STAG3: variants seen among roughly 807,000 people sequenced by gnomAD.
STAG3 encodes cohesin subunit SA-3.
STAG3 carries 101 observed loss-of-function variants against 160.7 expected under a neutral mutation model. That is an observed-to-expected ratio of 0.63 (90% CI 0.54 to 0.74). STAG3 has a LOEUF of 0.74. STAG3 is among the 30% of genes least tolerant of loss of function. The pLI, the probability that STAG3 is intolerant of heterozygous loss-of-function variation, is 0.00. For missense variants in STAG3, 1,188 were observed against 1,517.4 expected, an observed-to-expected ratio of 0.78 and a Z score of 3.61; for synonymous variants, 519 against 585.0, an observed-to-expected ratio of 0.89 and a Z score of 1.63.
downstream of STAG3, among the ~76,000 whole-genome samples, chr7:100,216,602 C>A (rs1326281045): frequency 6.6e-6 from 1 of 152,098 alleles, no homozygotes; most frequent in South Asian, 2.1e-4. Context: ...AGATTGAGAC[C>A]ATCCTGGCCA....
At chr7:100,213,519 CAA>C (rs1327787496) in intron 32 of STAG3, 2 of 985,238 alleles carry the variant, frequency 2.0e-6, no homozygotes, top group African/African-American at 1.7e-5. Flanking sequence ...GTTTCCAAAA[CAA>C]AGTCATTTAA....
intron 27 of STAG3, 23 bp downstream of exon 27, chr7:100,204,798 T>C (rs1299451086): frequency 6.2e-7 from 1 of 1,612,060 alleles, no homozygotes; most frequent in African/African-American, 1.3e-5. Flanking sequence ...GGTTGCAGGT[T>C]GTGTCCAGGG....
chr7:100,185,385 A>G (rs1799926504), intron 4 of STAG3, among the ~76,000 whole-genome samples: 1 of 152,166 alleles, frequency 6.6e-6, no homozygotes, highest in Non-Finnish European at 1.5e-5. Flanking sequence ...ACTTGAGGTC[A>G]GGAGTTCGAG....
At position 100,214,035 on chromosome 7, in the gene STAG3, C is replaced by G. The variant is rs931505933; in HGVS notation, c.*20C>G. ...TTCTGACAGGACTCTGGGCCCCTCC[C>G]CAGCTCCACTCCCTACCTCAAGAAT... On this transcript the variant is annotated 3_prime_UTR_variant, in exon 34 of 34. Transcript: ENST00000615138. 9.9e-6 allele frequency: 16 copies of G among 1,613,782 alleles called. No individual in the cohort carries two copies. The Admixed American group carries it at 1.2e-4, about 12-fold the overall frequency.
downstream of STAG3, among the ~76,000 whole-genome samples, chr7:100,216,295 G>GT (rs1181660905): frequency 1.3e-5 from 2 of 151,844 alleles, no homozygotes; most frequent in African/African-American, 4.8e-5. Context: ...ATTTGTATCA[G>GT]TTTTTTAAAA....
chr7:100,211,136 T>A lies in STAG3; in HGVS notation c.3364T>A (p.Leu1122Met). Residue 1122 changes from leucine (L) to methionine (M), a missense_variant, in exon 30 of 34, where the codon TTG (leucine) becomes ATG (methionine). By Grantham distance (15) the Leu-to-Met change is conservative. Coordinates refer to ENST00000615138, the MANE Select transcript of STAG3 (RefSeq NM_001282717.2). Reference sequence around the variant, plus strand: ...GAAGAGCAGGCAGCCCCTGTGGGGGTTGAAAGAGATGGAGGAAGAAGATGG... The same window carrying A: ...GAAGAGCAGGCAGCCCCTGTGGGGGATGAAAGAGATGGAGGAAGAAGATGG... ...AVKSRQPLWGLKEMEEEDGSE... is the reference protein window; with the variant it reads ...AVKSRQPLWGMKEMEEEDGSE... 1 of 1,356,414 alleles carries A rather than the reference T, an allele frequency of 7.4e-7. No individual in the cohort carries two copies. Among genetic ancestry groups the A allele is most frequent in the South Asian group, 1.2e-5 (1 of 86,636 alleles). The allele number at this position is 1,356,414 out of a possible 1,614,324, so 84.0% of individuals were successfully genotyped here. A position where few individuals can be genotyped will look rare whatever the true frequency, so the allele number is the denominator to read the frequency against.
In STAG3 at chr7:100,201,297, G is replaced by A; in HGVS notation, c.2166G>A (p.Glu722=). 1 of 1,614,122 alleles carries A rather than the reference G, an allele frequency of 6.2e-7. No homozygotes were observed. Among genetic ancestry groups the A allele is most frequent in the South Asian group, 1.1e-5 (1 of 91,070 alleles). Reference sequence around the variant, plus strand: ...ACCTGACTCGCTGGGAGCTCTATGAGCCATGTTGCCAACTCCTGCAGAAGG... The same window carrying A: ...ACCTGACTCGCTGGGAGCTCTATGAACCATGTTGCCAACTCCTGCAGAAGG... ...THDLTRWELY[E]PCCQLLQKAV... The change falls in exon 21 of 34, where the codon GAG becomes GAA. Residue 722 remains glutamate (E), a synonymous_variant. Coordinates refer to ENST00000615138, the MANE Select transcript of STAG3 (RefSeq NM_001282717.2).
intron 11 of STAG3, 80 bp downstream of exon 11, chr7:100,197,956 C>T (rs1457112604): frequency 6.6e-7 from 1 of 1,504,504 alleles, no homozygotes; most frequent in Admixed American, 1.7e-5. Flanking sequence ...ACCCCTCATG[C>T]TCTAAGATGT....
At chr7:100,195,494 T>G in intron 9 of STAG3, 112 bp downstream of exon 9, 1 of 986,788 alleles carries the variant, frequency 1.0e-6, no homozygotes, top group Non-Finnish European at 1.5e-6. Flanking sequence ...AGTCCCAGAA[T>G]TAATGCAGCT....
chr7:100,217,873 G>A (rs1248398904), downstream of STAG3, among the ~76,000 whole-genome samples: 3 of 151,930 alleles, frequency 2.0e-5, no homozygotes, highest in East Asian at 5.8e-4. Context: ...AGCGGAACAT[G>A]AAAGTGAAAC....
intron 21 of STAG3, 53 bp from the exon 22 acceptor site, chr7:100,201,733 G>C: frequency 6.7e-7 from 1 of 1,499,714 alleles, no homozygotes. Flanking sequence ...CTGGCTATCT[G>C]TCTCTCCCTC....
chr7:100,216,595 T>C (rs1802771030), downstream of STAG3, among the ~76,000 whole-genome samples: 2 of 151,982 alleles, frequency 1.3e-5, no homozygotes, highest in African/African-American at 4.8e-5. Context: ...GGTCAAGAGA[T>C]TGAGACCATC....
intron 31 of STAG3, 125 bp downstream of exon 31, chr7:100,211,664 C>G (rs1802221900): frequency 2.9e-6 from 4 of 1,400,968 alleles, no homozygotes; most frequent in Non-Finnish European, 4.0e-6. Flanking sequence ...AGAGCACTTC[C>G]TGTCAGCACA....
intron 5 of STAG3, among the ~76,000 whole-genome samples, chr7:100,187,429 A>C (rs1312637589): frequency 7.4e-6 from 1 of 135,590 alleles, no homozygotes; most frequent in Non-Finnish European, 1.6e-5. Flanking sequence ...CCTCAGGTTT[A>C]TTTGTACAAA....
Position 100,213,807 on chromosome 7 carries a change from G to A in STAG3, c.3672+1G>A, listed in dbSNP as rs1399690681. Reference sequence around the variant, plus strand: ...AGATTCTACAGAGCTGGATATTGAGGTGAGTGTCCCCAGAGCAGGAGTTAT... The same window carrying A: ...AGATTCTACAGAGCTGGATATTGAGATGAGTGTCCCCAGAGCAGGAGTTAT... On this transcript the variant is annotated splice_donor_variant, in intron 33 of 33. Coordinates refer to ENST00000615138, the MANE Select transcript of STAG3 (RefSeq NM_001282717.2). LOFTEE classifies it high-confidence loss of function. 1 of 1,614,118 alleles carries A rather than the reference G, an allele frequency of 6.2e-7. No individual in the cohort carries two copies. The highest frequency in any genetic ancestry group is 8.5e-7 in the Non-Finnish European group (1 of 1,180,048).
intron 1 of STAG3, among the ~76,000 whole-genome samples, chr7:100,179,476 C>T (rs1420699492): frequency 6.6e-6 from 1 of 152,092 alleles, no homozygotes; most frequent in Non-Finnish European, 1.5e-5. Flanking sequence ...CCTCCCGCCT[C>T]AGCCGCCTAA....
At chr7:100,217,744 C>T (rs1727139), downstream of STAG3, among the ~76,000 whole-genome samples, 105,037 of 152,010 alleles carry the variant, frequency 0.69, 36,997 homozygotes, top group Middle Eastern at 0.85. Flanking sequence ...GTAGCCGAGG[C>T]GGAGAGAGAG....
intron 29 of STAG3, among the ~76,000 whole-genome samples, chr7:100,208,971 A>G (rs985135587): frequency 1.3e-5 from 2 of 152,178 alleles, no homozygotes; most frequent in Non-Finnish European, 2.9e-5. Flanking sequence ...GCATTCAGCA[A>G]TTTTATCAAT....
chr7:100,197,423 C>T (rs3991335), intron 10 of STAG3, 144 bp downstream of exon 10: 1 of 1,162,476 alleles, frequency 8.6e-7, no homozygotes, highest in Non-Finnish European at 1.3e-6. Flanking sequence ...TTGAAATTCC[C>T]CTAGCACTGG....
Sources: gnomAD v4.1 joint callset for allele counts (sites outside exome capture counted in the v4.1 genomes callset) on GRCh38, gnomAD v4.1.1 for gene constraint, MANE v1.5 for transcripts, NCBI Gene and HGNC (gene_info 2026-07-23, HGNC 2026-07-21) for gene names.